Variants in SOX5 observed in about 807,000 individuals in gnomAD.
The protein encoded by SOX5 is SRY-box transcription factor 5.
Under a neutral mutation model 92.0 loss-of-function variants are expected in SOX5, and 9 were observed. The observed-to-expected ratio is 0.10, with a 90% CI of 0.06 to 0.17. SOX5 has a LOEUF of 0.17. SOX5 is among the 10% of genes least tolerant of loss of function. SOX5 has a pLI of 1.00. For missense variants in SOX5, 642 were observed against 944.5 expected (o/e 0.68, Z 4.20); for synonymous variants, 344 against 336.3 (o/e 1.02, Z -0.25).
At chr12:24,417,307 A>G (rs1330421498) in intron 1 of SOX5, among the ~76,000 whole-genome samples, 1 of 152,222 alleles carries the variant, frequency 6.6e-6, no homozygotes, top group East Asian at 1.9e-4. Flanking sequence ...TGTCTAACCT[A>G]GCACATGGAG....
intron 1 of SOX5, among the ~76,000 whole-genome samples, chr12:23,911,540 A>C (rs2097351825): frequency 6.6e-6 from 1 of 152,048 alleles, no homozygotes; most frequent in South Asian, 2.1e-4. Flanking sequence ...TGTTACTGTA[A>C]ATGACTTATT....
rs144807547 is a variant in SOX5 at position 23,906,422 on chromosome 12, A to T, written c.39-10398T>A. ...GATGTGGAGGGATGATTTAAATTTT[A>T]CATCAAAATTGTGACTGCACTAGAC... On this transcript the variant is annotated intron_variant, in intron 1 of 14. Transcript: ENST00000451604. Among the ~76,000 whole-genome samples, 13 of 152,326 alleles carry T rather than the reference A, an allele frequency of 8.5e-5. No individual in the cohort carries two copies. The East Asian group carries it at 2.5e-3, about 29-fold the overall frequency.
At chr12:24,341,172 A>C (rs2141069358) in intron 2 of SOX5, among the ~76,000 whole-genome samples, 1 of 152,320 alleles carries the variant, frequency 6.6e-6, no homozygotes, top group Non-Finnish European at 1.5e-5. Flanking sequence ...GAGTAAATGC[A>C]TCTGATTAAT....
rs116977108 is a variant in SOX5 at position 24,086,777 on chromosome 12, G to C, written c.-2+126566C>G. The stretch of plus-strand genomic sequence containing the variant: ...TCTTCTATTTTCTTTCTTTACATTA[G>C]TCGTTACATATAAACCCACTAAGGT... On this transcript the variant is annotated intron_variant, in intron 4 of 4. Coordinates refer to the SOX5 transcript ENST00000446891. 6.1e-3 allele frequency among the ~76,000 whole-genome samples: 926 copies of C among 152,014 alleles called. 8 individuals are homozygous for C. Among genetic ancestry groups the C allele is most frequent in the South Asian group, 0.033 (160 of 4,816 alleles).
chr12:24,164,131 C>A (rs1953104757), intron 4 of SOX5, among the ~76,000 whole-genome samples: 1 of 151,836 alleles, frequency 6.6e-6, no homozygotes, highest in African/African-American at 2.4e-5. Context: ...AAGTTTGTAC[C>A]TTTCACTCCA....
Position 24,064,780 on chromosome 12 carries a change from T to C in SOX5, c.-2+148563A>G, listed in dbSNP as rs555038383. On this transcript the variant is annotated intron_variant, in intron 4 of 4. Transcript: ENST00000446891. ...TCTTGAACAGAATAATGATCATCTA[T>C]AAGTGAATATACATGTCTCAGAAGA... 2.6e-5 allele frequency among the ~76,000 whole-genome samples: 4 copies of C among 152,312 alleles called. No homozygotes were observed. In the South Asian group the frequency reaches 8.3e-4, roughly 32 times the overall value.
At chr12:23,613,090 T>C (rs941787366) in intron 8 of SOX5, among the ~76,000 whole-genome samples, 4 of 152,174 alleles carry the variant, frequency 2.6e-5, no homozygotes, top group African/African-American at 9.7e-5. Context: ...CTTTTGCATG[T>C]TCTTCAAGTG....
intron 3 of SOX5, among the ~76,000 whole-genome samples, chr12:24,248,399 G>A (rs746878061): frequency 7.9e-5 from 12 of 152,166 alleles, no homozygotes; most frequent in Admixed American, 1.3e-4. Flanking sequence ...GAAACAAGAC[G>A]TGTCTTTCTT....
At chr12:23,806,655 G>GAA (rs1386419642) in intron 3 of SOX5, among the ~76,000 whole-genome samples, 1 of 138,238 alleles carries the variant, frequency 7.2e-6, no homozygotes, top group South Asian at 2.3e-4. Context: ...TAGTGGAGTG[G>GAA]AAAAAAAAAA....
At chr12:24,386,679 A>G (rs1958450128) in intron 1 of SOX5, among the ~76,000 whole-genome samples, 1 of 152,212 alleles carries the variant, frequency 6.6e-6, no homozygotes, top group Non-Finnish European at 1.5e-5. Flanking sequence ...CCCAGGATCC[A>G]TACAGTATAT....
intron 4 of SOX5, among the ~76,000 whole-genome samples, chr12:24,130,873 C>A (rs2138490619): frequency 6.6e-6 from 1 of 152,324 alleles, no homozygotes. Flanking sequence ...CTTCAACCCT[C>A]ATTTCTATTC....
intron 4 of SOX5, among the ~76,000 whole-genome samples, chr12:24,070,448 C>A (rs1941584540): frequency 6.6e-6 from 1 of 152,046 alleles, no homozygotes; most frequent in Non-Finnish European, 1.5e-5. Flanking sequence ...CAATACATAT[C>A]CTAAAATATG....
chr12:23,642,614 T>C (rs947131800), intron 7 of SOX5, among the ~76,000 whole-genome samples: 12 of 152,126 alleles, frequency 7.9e-5, no homozygotes, highest in African/African-American at 2.9e-4. Flanking sequence ...ATCAATGGGA[T>C]TGGGGAGGGA....
intron 4 of SOX5, among the ~76,000 whole-genome samples, chr12:24,048,591 A>G (rs768014267): frequency 7.9e-5 from 12 of 152,202 alleles, no homozygotes; most frequent in Non-Finnish European, 1.6e-4. Context: ...TTGGTTCCAA[A>G]AGGTGGAAGC....
At chr12:24,428,661 C>T (rs4579998) in intron 1 of SOX5, among the ~76,000 whole-genome samples, 2 of 124,566 alleles carry the variant, frequency 1.6e-5, no homozygotes, top group East Asian at 5.2e-4. Context: ...CCTAGCTACT[C>T]TGGAGGCTGA....
At chr12:24,361,085 G>A (rs928501410) in intron 2 of SOX5, among the ~76,000 whole-genome samples, 2 of 152,010 alleles carry the variant, frequency 1.3e-5, no homozygotes, top group Admixed American at 6.6e-5. Context: ...TCCTCGTATC[G>A]ACCAGCACAT....
intron 9 of SOX5, among the ~76,000 whole-genome samples, chr12:23,576,271 C>T (rs1262291429): frequency 1.3e-5 from 2 of 152,010 alleles, no homozygotes; most frequent in Non-Finnish European, 2.9e-5. Flanking sequence ...ACCTGGAACA[C>T]CCATGATGGA....
intron 2 of SOX5, among the ~76,000 whole-genome samples, chr12:24,339,507 G>T (rs1952331584): frequency 6.6e-6 from 1 of 152,222 alleles, no homozygotes; most frequent in Non-Finnish European, 1.5e-5. Flanking sequence ...GAAACTGTAA[G>T]CCTTGTTAGA....
intron 3 of SOX5, among the ~76,000 whole-genome samples, chr12:24,276,259 T>C (rs1344636449): frequency 1.3e-5 from 2 of 152,112 alleles, no homozygotes; most frequent in Non-Finnish European, 2.9e-5. Context: ...AAGCCTGAGT[T>C]ATAAGTATTT....
Sources: allele counts gnomAD v4.1 joint callset (sites outside exome capture counted in the v4.1 genomes callset), GRCh38; gene constraint gnomAD v4.1.1; transcripts MANE v1.5; gene names NCBI Gene and HGNC (gene_info 2026-07-23, HGNC 2026-07-21).